CRACD: variants seen among roughly 807,000 people sequenced by gnomAD.
CRACD encodes the protein capping protein inhibiting regulator of actin dynamics, also known as capping protein-inhibiting regulator of actin dynamics.
In CRACD, 56 loss-of-function variants were observed where a neutral mutation model predicts 106.8. The observed-to-expected ratio is 0.52, with a 90% CI of 0.42 to 0.66. CRACD has a LOEUF of 0.66. Ranked by LOEUF, CRACD falls within the 30% of genes least tolerant of loss-of-function variation. CRACD has a pLI of 0.00. For synonymous variants in CRACD, 754 were observed against 670.8 expected (o/e 1.12, Z -1.92); for missense variants, 1,730 against 1,623.2 (o/e 1.07, Z -1.13).
At chr4:56,122,114 C>T (rs1454132976) in intron 1 of CRACD, among the ~76,000 whole-genome samples, 10 of 152,010 alleles carry the variant, frequency 6.6e-5, no homozygotes, top group South Asian at 2.1e-4. Context: ...TTCCAGGCTG[C>T]AGTGAGTTAT....
intron 1 of CRACD, among the ~76,000 whole-genome samples, chr4:56,163,159 G>C (rs568881901): frequency 6.6e-6 from 1 of 152,258 alleles, no homozygotes. Flanking sequence ...CTCTGTGCCA[G>C]GTAGATGAGG....
chr4:56,189,143 A>G (rs1214684292), intron 2 of CRACD, among the ~76,000 whole-genome samples: 1 of 151,860 alleles, frequency 6.6e-6, no homozygotes, highest in Non-Finnish European at 1.5e-5. Context: ...AGATAATGCC[A>G]TTACACTGTA....
At chr4:56,191,078 T>C (rs1335170744) in intron 2 of CRACD, among the ~76,000 whole-genome samples, 1 of 152,192 alleles carries the variant, frequency 6.6e-6, no homozygotes, top group Non-Finnish European at 1.5e-5. Flanking sequence ...ATAAAGTGAA[T>C]AATGTATCCC....
intron 3 of CRACD, among the ~76,000 whole-genome samples, chr4:56,297,002 C>T (rs1384172535): frequency 6.6e-6 from 1 of 151,574 alleles, no homozygotes; most frequent in East Asian, 1.9e-4. Flanking sequence ...TCACTGCAAT[C>T]CCCGCCTCCC....
intron 2 of CRACD, among the ~76,000 whole-genome samples, chr4:56,199,454 C>A (rs148089992): frequency 7.9e-5 from 12 of 151,944 alleles, no homozygotes; most frequent in African/African-American, 2.7e-4. Context: ...GAGGCCGAGG[C>A]GGGTGAATCA....
At chr4:56,217,200 A>G (rs1020601838) in intron 2 of CRACD, among the ~76,000 whole-genome samples, 13 of 152,136 alleles carry the variant, frequency 8.5e-5, no homozygotes, top group Non-Finnish European at 1.8e-4. Flanking sequence ...GATGGCTTCA[A>G]CAACAGACAT....
chr4:56,251,915 AT>A, intron 2 of CRACD, among the ~76,000 whole-genome samples: 1 of 152,324 alleles, frequency 6.6e-6, no homozygotes, highest in East Asian at 1.9e-4. Context: ...TTTCTCAAAT[AT>A]TTTTTACTTC....
intron 1 of CRACD, among the ~76,000 whole-genome samples, chr4:56,142,376 A>G (rs1346023035): frequency 6.6e-6 from 1 of 152,094 alleles, no homozygotes; most frequent in African/African-American, 2.4e-5. Flanking sequence ...TTTTTGTGGA[A>G]ATGTTGGCAG....
At chr4:56,103,585 T>C (rs1324953294) in intron 1 of CRACD, among the ~76,000 whole-genome samples, 7 of 152,206 alleles carry the variant, frequency 4.6e-5, no homozygotes, top group Non-Finnish European at 1.0e-4. Flanking sequence ...AAGACAAACA[T>C]GCATTCTATC....
chr4:56,328,419 A>G lies in CRACD; in HGVS notation c.*615A>G, dbSNP rs1746608325. 1.9e-6 allele frequency: 1 copy of G among 518,450 alleles called. No homozygotes were observed. Among genetic ancestry groups the G allele is most frequent in the South Asian group, 1.4e-5 (1 of 71,436 alleles). The allele number at this position is 518,450 out of a possible 1,614,324, so 32.1% of individuals were successfully genotyped here. On this transcript the variant is annotated 3_prime_UTR_variant, in exon 11 of 11. Coordinates refer to ENST00000682029, the MANE Select transcript of CRACD (RefSeq NM_001393381.1). ...TAACCCAGAAGGCACATCCATTCAC[A>G]TTTTTACCGCACTGTGGATTCATAG...
chr4:56,124,876 C>A (rs1734608987), intron 1 of CRACD, among the ~76,000 whole-genome samples: 1 of 152,134 alleles, frequency 6.6e-6, no homozygotes. Context: ...AGCCGCTGGC[C>A]ACTGGGAAGC....
intron 2 of CRACD, among the ~76,000 whole-genome samples, chr4:56,222,544 A>AT (rs1480282887): frequency 1.3e-5 from 2 of 152,246 alleles, no homozygotes; most frequent in African/African-American, 4.8e-5. Context: ...ATTGAAATAA[A>AT]TATATGTAGA....
intron 2 of CRACD, among the ~76,000 whole-genome samples, chr4:56,186,310 T>C (rs1360322183): frequency 1.3e-5 from 2 of 152,216 alleles, no homozygotes; most frequent in African/African-American, 2.4e-5. Flanking sequence ...TCCTGTAGAC[T>C]TCCTGGGAGT....
rs1335695533 is a variant in CRACD at position 56,314,415 on chromosome 4, C to CGGAGGGAGCGGAGGGAGT, written c.923_924insGAGGGAGTGGAGGGAGCG (p.Arg308_Glu309insArgGluTrpArgGluArg). ...AGCGCCAGGTTGGGAGGACGCGGAG[C>CGGAGGGAGCGGAGGGAGT]GGAGGGAGCGTGAGGAGCGCGAGCG... is the stretch of plus-strand genomic sequence containing the variant. On this transcript the variant is annotated inframe_insertion, in exon 8 of 11. Transcript: ENST00000682029. This position sits in a 1 kb window ranked among gnomAD's most constrained non-coding sequence, Gnocchi z 4.4. 26 of 1,544,648 alleles carry CGGAGGGAGCGGAGGGAGT rather than the reference C, an allele frequency of 1.7e-5. No individual in the cohort carries two copies. Among genetic ancestry groups the CGGAGGGAGCGGAGGGAGT allele is most frequent in the Non-Finnish European group, 2.3e-5 (26 of 1,144,704 alleles).
intron 8 of CRACD, among the ~76,000 whole-genome samples, chr4:56,319,151 A>C (rs185834259): frequency 1.4e-3 from 211 of 152,306 alleles, no homozygotes; most frequent in African/African-American, 4.7e-3. Flanking sequence ...CCATATGCTA[A>C]ATTCAAGAAC....
chr4:56,309,063 C>G (rs1744953488), intron 5 of CRACD: 4 of 468,718 alleles, frequency 8.5e-6, no homozygotes, highest in African/African-American at 4.0e-5. Flanking sequence ...CATTTCAGAT[C>G]AAGAAAAATG....
intron 2 of CRACD, among the ~76,000 whole-genome samples, chr4:56,238,651 GC>G (rs1740153727): frequency 6.6e-6 from 1 of 152,156 alleles, no homozygotes; most frequent in Non-Finnish European, 1.5e-5. Context: ...GATACATATT[GC>G]CAAATAGCCA....
At chr4:56,087,007 G>T (rs13124387) in intron 1 of CRACD, among the ~76,000 whole-genome samples, 102,022 of 151,834 alleles carry the variant, frequency 0.67, 36,161 homozygotes, top group African/African-American at 0.92. Context: ...GGAGTACTAG[G>T]GATTTTGTCT....
intron 1 of CRACD, among the ~76,000 whole-genome samples, chr4:56,177,846 T>C (rs757342393): frequency 3.9e-5 from 6 of 152,140 alleles, no homozygotes; most frequent in Non-Finnish European, 5.9e-5. Context: ...CCATGGTACC[T>C]GTTGTAATGC....
Sources: allele counts gnomAD v4.1 joint callset (sites outside exome capture counted in the v4.1 genomes callset), GRCh38; gene constraint gnomAD v4.1.1; non-coding constraint Gnocchi (gnomAD v3.1); transcripts MANE v1.5; gene names NCBI Gene and HGNC (gene_info 2026-07-23, HGNC 2026-07-21).